The following RIOK2 variants were observed in gnomAD, a reference collection of about 807,000 sequenced individuals.
RIOK2 encodes RIO kinase 2, also known as serine/threonine-protein kinase RIO2.
A neutral mutation model predicts 62.4 loss-of-function variants in RIOK2; 46 were observed. That is an observed-to-expected ratio of 0.74 (90% CI 0.58 to 0.94). The LOEUF is 0.94. RIOK2 is among the 40% of genes least tolerant of loss of function. RIOK2 has a pLI of 0.00. For synonymous variants in RIOK2, 197 were observed against 216.0 expected (o/e 0.91, Z 0.77); for missense variants, 574 against 658.0 (o/e 0.87, Z 1.40).
Position 97,168,843 on chromosome 5 carries a change from G to A in RIOK2, c.789C>T (p.Asp263=), listed in dbSNP as rs762262905. ...TSHPNAEWYF[D]RDVKCIKDFF... is the part of the protein sequence containing the mutation. The stretch of plus-strand genomic sequence containing the variant: ...AATCTTTAATGCATTTAACATCTCT[G>A]TCAAAATACCTGCAAAAGCAAGAAT... Residue 263 remains aspartate (D), a synonymous_variant, in exon 7 of 10, where the codon GAC becomes GAT. Transcript: ENST00000283109. The A allele has an allele frequency of 4.4e-6, 7 of 1,581,348 alleles. No individual in the cohort carries two copies. The highest frequency in any genetic ancestry group is 2.7e-5 in the African/African-American group (2 of 73,106).
chr5:97,167,551 ACTC>A lies in RIOK2; in HGVS notation c.1310_1312del (p.Gly437del). 1.2e-6 allele frequency: 2 copies of A among 1,613,900 alleles called. No homozygotes were observed. The highest frequency in any genetic ancestry group is 1.1e-5 in the South Asian group (1 of 91,066). On this transcript the variant is annotated inframe_deletion, in exon 8 of 10. Transcript: ENST00000283109. ...TTCATACTCGTCAGAGCCAGCAGGG[ACTC>A]CTCCTTGAACTCTCTGACCATCTTG... is the stretch of plus-strand genomic sequence containing the variant.
rs1369362604 is a variant in RIOK2, at chr5:97,183,187, C to G, written c.5G>C (p.Gly2Ala). The change falls in exon 1 of 10, where the codon GGG becomes GCG. Residue 2 changes from glycine (G) to alanine (A), a missense_variant. Coordinates refer to ENST00000283109, the MANE Select transcript of RIOK2 (RefSeq NM_018343.3). M[G>A]KVNVAKLRYM... ...ACGCAACTTGGCCACATTCACTTTC[C>G]CCATGGCGGCCCCAGTCCGAACCCA... 1.9e-6 allele frequency: 3 copies of G among 1,614,040 alleles called. No homozygotes were observed. The highest frequency in any genetic ancestry group is 2.5e-6 in the Non-Finnish European group (3 of 1,180,006).
chr5:97,183,135 G>A lies in RIOK2; in HGVS notation c.57C>T (p.Val19=). ...LRYMSRDDFR[V]LTAVEMGMKN... ...ACGGCGGGTTTCTTACCGCGGTCAAGACCCTGAAGTCATCTCGGCTCATGT... is the reference window on the plus strand; with the variant it reads ...ACGGCGGGTTTCTTACCGCGGTCAAAACCCTGAAGTCATCTCGGCTCATGT... The change falls in exon 1 of 10, where the codon GTC becomes GTT. Residue 19 remains valine, a synonymous_variant. Transcript: ENST00000283109. The A allele has an allele frequency of 6.2e-7, 1 of 1,614,102 alleles. No individual in the cohort carries two copies. The highest frequency in any genetic ancestry group is 8.5e-7 in the Non-Finnish European group (1 of 1,179,994).
rs764324609 is a variant in RIOK2 at position 97,183,209 on chromosome 5, C to A, written c.-18G>T. ...TTCCCCATGGCGGCCCCAGTCCGAA[C>A]CCAGATGCCTCTCCGACGACAGCCG... is the stretch of plus-strand genomic sequence containing the variant. On this transcript the variant is annotated 5_prime_UTR_variant, in exon 1 of 10. Transcript: ENST00000283109. The A allele has an allele frequency of 6.8e-6, 11 of 1,613,896 alleles. No individual in the cohort carries two copies. The highest frequency in any genetic ancestry group is 1.6e-4 in the Middle Eastern group (1 of 6,084).
At chr5:97,168,643 A>G (rs904956784) in intron 7 of RIOK2, 117 bp downstream of exon 7, 8 of 587,322 alleles carry the variant, frequency 1.4e-5, no homozygotes, top group African/African-American at 7.5e-5. Flanking sequence ...AATGACATCT[A>G]ACAGTGATTA....
At chr5:97,166,291 CCT>C (rs1229879095) in intron 8 of RIOK2, 6 of 454,976 alleles carry the variant, frequency 1.3e-5, no homozygotes, top group African/African-American at 1.2e-4. Context: ...CTCTGTCACC[CCT>C]CTTTTCCTTT....
intron 8 of RIOK2, chr5:97,167,200 G>A (rs115410663): frequency 2.3e-6 from 3 of 1,326,908 alleles, no homozygotes; most frequent in Non-Finnish European, 1.9e-6. Flanking sequence ...TTACAGGCAT[G>A]AGCGAGCCAC....
Position 97,161,872 on chromosome 5 carries a change from T to C in RIOK2, c.*1189A>G, listed in dbSNP as rs1748709462. The C allele has an allele frequency of 6.6e-6, 1 of 152,228 alleles. No individual in the cohort carries two copies. Among genetic ancestry groups the C allele is most frequent in the African/African-American group, 2.4e-5 (1 of 41,470 alleles). 9.4% of individuals were successfully genotyped at this position (152,228 alleles called of 1,614,324 possible). ...CAAAATGAATACCTGAATTCAAAGATATATCTAAAATGCAAAGCAAGGGTA... is the reference window on the plus strand; with the variant it reads ...CAAAATGAATACCTGAATTCAAAGACATATCTAAAATGCAAAGCAAGGGTA... On this transcript the variant is annotated 3_prime_UTR_variant, in exon 10 of 10. Transcript: ENST00000283109.
chr5:97,180,128 A>ATATATATATGTATG (rs1749346235), intron 1 of RIOK2, among the ~76,000 whole-genome samples: 1 of 54,516 alleles, frequency 1.8e-5, no homozygotes, highest in Non-Finnish European at 3.7e-5. Flanking sequence ...GTGTATATGT[A>ATATATATATGTATG]TATATATATA....
chr5:97,166,298 T>C (rs1340837980), intron 8 of RIOK2: 1 of 455,740 alleles, frequency 2.2e-6, no homozygotes, highest in East Asian at 7.0e-5. Context: ...ACCCCTCTTT[T>C]CCTTTTAAGC....
Position 97,169,299 on chromosome 5 carries a change from T to C in RIOK2, c.780-447A>G, listed in dbSNP as rs116764834. On this transcript the variant is annotated intron_variant, in intron 6 of 9. Coordinates refer to ENST00000283109, the MANE Select transcript of RIOK2 (RefSeq NM_018343.3). Reference sequence around the variant, plus strand: ...TCTGACGATAAAAAGATATTAATATTAAACAGTTAAGTTTGGAGACTACTG... The same window carrying C: ...TCTGACGATAAAAAGATATTAATATCAAACAGTTAAGTTTGGAGACTACTG... Among the ~76,000 whole-genome samples, 990 of 152,330 alleles carry C rather than the reference T, an allele frequency of 6.5e-3. 17 individuals carry two copies. Among genetic ancestry groups the C allele is most frequent in the African/African-American group, 0.022 (920 of 41,568 alleles).
intron 9 of RIOK2, 52 bp downstream of exon 9, chr5:97,164,998 AG>A: frequency 8.7e-7 from 1 of 1,151,540 alleles, no homozygotes; most frequent in South Asian, 1.5e-5. Context: ...CAAGGCAATC[AG>A]ATCACAGTAG....
At chr5:97,168,685 A>C in intron 7 of RIOK2, 75 bp downstream of exon 7, 1 of 945,358 alleles carries the variant, frequency 1.1e-6, no homozygotes, top group East Asian at 2.7e-5. Flanking sequence ...TTTTAGATGA[A>C]AATGTTAATT....
rs1305135952 is a variant in RIOK2, at chr5:97,173,194, G to A, written c.568C>T (p.Leu190Phe). ...ACTTACAGTGGATAACCATTTATGA[G>A]TTCCATGACCACTGCATGACGATTG... ...DYNRHAVVME[L>F]INGYPLCQIH... The change falls in exon 5 of 10, where the codon CTC becomes TTC. Residue 190 changes from leucine to phenylalanine, a missense_variant. Coordinates refer to ENST00000283109, the MANE Select transcript of RIOK2 (RefSeq NM_018343.3). 1.2e-6 allele frequency: 2 copies of A among 1,610,870 alleles called. No homozygotes were observed. Among genetic ancestry groups the A allele is most frequent in the East Asian group, 4.5e-5 (2 of 44,734 alleles).
At chr5:97,178,444 C>A (rs1041803133) in intron 2 of RIOK2, among the ~76,000 whole-genome samples, 3 of 151,174 alleles carry the variant, frequency 2.0e-5, no homozygotes, top group Admixed American at 2.0e-4. Context: ...TACCTACTTG[C>A]TCTTCTGCAG....
chr5:97,166,627 C>T (rs1280446065), intron 8 of RIOK2: 1 of 391,790 alleles, frequency 2.6e-6, no homozygotes. Context: ...TAAGCTGAGC[C>T]TGATTAATAT....
intron 1 of RIOK2, among the ~76,000 whole-genome samples, chr5:97,180,385 G>A (rs998813343): frequency 6.6e-6 from 1 of 151,632 alleles, no homozygotes; most frequent in African/African-American, 2.4e-5. Flanking sequence ...GGGGATATTA[G>A]TGAAAGAAAA....
intron 1 of RIOK2, among the ~76,000 whole-genome samples, chr5:97,179,586 G>C (rs998760779): frequency 6.6e-6 from 1 of 151,766 alleles, no homozygotes; most frequent in African/African-American, 2.4e-5. Flanking sequence ...TGATAGACTG[G>C]ATAAAGAAAA....
chr5:97,179,002 C>T, intron 2 of RIOK2, 53 bp downstream of exon 2: 12 of 1,607,912 alleles, frequency 7.5e-6, no homozygotes, highest in Non-Finnish European at 1.0e-5. Context: ...AACACTTGCT[C>T]TGGTGGAAAC....
Sources: allele counts gnomAD v4.1 joint callset (sites outside exome capture counted in the v4.1 genomes callset), GRCh38; gene constraint gnomAD v4.1.1; transcripts MANE v1.5; gene names NCBI Gene and HGNC (gene_info 2026-07-23, HGNC 2026-07-21).